Variants in PROS1 observed in about 807,000 individuals in gnomAD.
PROS1 encodes vitamin K-dependent protein S.
In PROS1, 29 loss-of-function variants were observed where a neutral mutation model predicts 75.9. The observed-to-expected ratio is 0.38, with a 90% CI of 0.28 to 0.52. The LOEUF is 0.52. PROS1 is among the 20% of genes least tolerant of loss of function. PROS1 has a pLI of 0.83. For synonymous variants in PROS1, 245 were observed against 280.6 expected, an observed-to-expected ratio of 0.87 and a Z score of 1.27; for missense variants, 680 against 810.3, an observed-to-expected ratio of 0.84 and a Z score of 1.95.
chr3:93,948,380 T>A (rs1409324637), intron 1 of PROS1, among the ~76,000 whole-genome samples: 1 of 152,214 alleles, frequency 6.6e-6, no homozygotes, highest in African/African-American at 2.4e-5. Flanking sequence ...AGAATGTATA[T>A]TCTGTTGATT....
chr3:93,886,120 G>T (rs182752437), intron 11 of PROS1, among the ~76,000 whole-genome samples: 30 of 151,918 alleles, frequency 2.0e-4, no homozygotes, highest in Admixed American at 6.6e-4. Context: ...TTTATGCTGG[G>T]GATTTAAATG....
rs1188265809 is a variant in PROS1 at position 93,906,089 on chromosome 3, C to T, written c.401G>A (p.Cys134Tyr). Residue 134 changes from cysteine (C) to tyrosine (Y), a missense_variant, in exon 5 of 15, where the codon TGC becomes TAC. Cys to Tyr is a radical substitution (Grantham distance 194, BLOSUM62 -2). Coordinates refer to ENST00000394236, the MANE Select transcript of PROS1 (RefSeq NM_000313.4). ...AGTAAAAGAAGCTTTTCCATCTTTGCAGCTCATATATCCATCTTCATTGCA... is the reference window on the plus strand; with the variant it reads ...AGTAAAAGAAGCTTTTCCATCTTTGTAGCTCATATATCCATCTTCATTGCA... Reference protein sequence around the residue: ...LPCNEDGYMSCKDGKASFTCT... With the variant: ...LPCNEDGYMSYKDGKASFTCT... 6.2e-7 allele frequency: 1 copy of T among 1,614,050 alleles called. No homozygotes were observed. Among genetic ancestry groups the T allele is most frequent in the African/African-American group, 1.3e-5 (1 of 75,032 alleles).
chr3:93,917,022 CCT>C (rs1708863616), intron 3 of PROS1, among the ~76,000 whole-genome samples: 1 of 152,124 alleles, frequency 6.6e-6, no homozygotes, highest in South Asian at 2.1e-4. Context: ...ACTTTATACC[CCT>C]CTGTCTTTAA....
intron 6 of PROS1, among the ~76,000 whole-genome samples, chr3:93,905,088 A>G (rs1485180660): frequency 2.6e-5 from 4 of 152,214 alleles, no homozygotes; most frequent in Admixed American, 2.0e-4. Flanking sequence ...ATACAATGGA[A>G]GAGGTTATTG....
At chr3:93,967,885 C>G (rs1412211976) in intron 1 of PROS1, 1 of 152,000 alleles carries the variant, frequency 6.6e-6, no homozygotes, top group Non-Finnish European at 1.5e-5. Flanking sequence ...GAATGAGGCC[C>G]TGTCTCAAAA....
At chr3:93,963,556 G>A (rs747399905) in intron 1 of PROS1, among the ~76,000 whole-genome samples, 20 of 152,184 alleles carry the variant, frequency 1.3e-4, no homozygotes, top group Non-Finnish European at 2.5e-4. Context: ...AAGAAAAGGA[G>A]TTTAATAGGA....
intron 9 of PROS1, among the ~76,000 whole-genome samples, chr3:93,894,134 T>G (rs558558935): frequency 3.8e-4 from 58 of 152,080 alleles, no homozygotes; most frequent in Non-Finnish European, 6.6e-4. Flanking sequence ...TTCAGATAAT[T>G]GCTATATTAG....
intron 1 of PROS1, among the ~76,000 whole-genome samples, chr3:93,936,569 C>T (rs1334861741): frequency 5.9e-5 from 9 of 152,058 alleles, no homozygotes; most frequent in African/African-American, 1.9e-4. Flanking sequence ...GAGTAGCCAG[C>T]GAGAAGGCAG....
At chr3:93,961,437 A>G (rs1709704738) in intron 1 of PROS1, among the ~76,000 whole-genome samples, 3 of 152,244 alleles carry the variant, frequency 2.0e-5, no homozygotes, top group Non-Finnish European at 4.4e-5. Flanking sequence ...GAGAGGTCTC[A>G]GGAGCTGAGG....
chr3:93,931,735 G>A (rs1479719135), intron 1 of PROS1, among the ~76,000 whole-genome samples: 1 of 151,624 alleles, frequency 6.6e-6, no homozygotes, highest in African/African-American at 2.4e-5. Flanking sequence ...CTTTGGTTAC[G>A]GTTTTGGCTG....
chr3:93,883,543 G>A (rs1250904951), intron 12 of PROS1, among the ~76,000 whole-genome samples: 15 of 151,428 alleles, frequency 9.9e-5, no homozygotes, highest in African/African-American at 3.2e-4. Flanking sequence ...GCGGTGAGCC[G>A]AGATTGTGGC....
intron 1 of PROS1, among the ~76,000 whole-genome samples, chr3:93,971,042 C>T (rs990548398): frequency 1.3e-5 from 2 of 151,626 alleles, no homozygotes; most frequent in African/African-American, 2.4e-5. Flanking sequence ...CTTTCTATGG[C>T]CTAAACAATG....
chr3:93,934,259 T>C (rs1217398786), intron 1 of PROS1, among the ~76,000 whole-genome samples: 1 of 149,944 alleles, frequency 6.7e-6, no homozygotes, highest in Non-Finnish European at 1.5e-5. Flanking sequence ...TTCAAAAATG[T>C]ATTTAAAATA....
At chr3:93,954,195 T>C (rs897585181) in intron 1 of PROS1, among the ~76,000 whole-genome samples, 1 of 152,180 alleles carries the variant, frequency 6.6e-6, no homozygotes, top group African/African-American at 2.4e-5. Context: ...AAGCTACCGA[T>C]GACTTTCTTC....
intron 10 of PROS1, among the ~76,000 whole-genome samples, chr3:93,892,108 T>C (rs1708439087): frequency 6.6e-6 from 1 of 152,036 alleles, no homozygotes; most frequent in Admixed American, 6.6e-5. Flanking sequence ...AGTGGGTGAA[T>C]AGCTTGAGCC....
intron 12 of PROS1, among the ~76,000 whole-genome samples, chr3:93,882,798 CT>C (rs1483698897): frequency 2.0e-5 from 3 of 152,226 alleles, no homozygotes; most frequent in Admixed American, 1.3e-4. Flanking sequence ...AAAAGCCTCT[CT>C]CTTAATATGG....
At chr3:93,961,923 A>AT in intron 1 of PROS1, among the ~76,000 whole-genome samples, 1 of 152,210 alleles carries the variant, frequency 6.6e-6, no homozygotes, top group East Asian at 1.9e-4. Flanking sequence ...TCTGGCTTGA[A>AT]TTTTTTACGT....
At chr3:93,967,167 A>T (rs973637052) in intron 1 of PROS1, among the ~76,000 whole-genome samples, 5 of 152,186 alleles carry the variant, frequency 3.3e-5, no homozygotes, top group Non-Finnish European at 7.3e-5. Flanking sequence ...TAAAAACACC[A>T]AATTTTTCTG....
intron 3 of PROS1, among the ~76,000 whole-genome samples, chr3:93,915,772 A>G (rs974493003): frequency 2.6e-5 from 4 of 151,920 alleles, no homozygotes; most frequent in South Asian, 2.1e-4. Flanking sequence ...CTTTTCCTGC[A>G]TGTCTTCTTT....
Sources: allele counts gnomAD v4.1 joint callset (sites outside exome capture counted in the v4.1 genomes callset), GRCh38; gene constraint gnomAD v4.1.1; transcripts MANE v1.5; gene names NCBI Gene and HGNC (gene_info 2026-07-23, HGNC 2026-07-21).